LRCH3: variants seen among roughly 807,000 people sequenced by gnomAD.
LRCH3 encodes the protein DISP complex protein LRCH3.
Under a neutral mutation model 104.5 loss-of-function variants are expected in LRCH3, and 68 were observed. The ratio of observed to expected loss-of-function variants is 0.65; its 90% CI spans 0.54 to 0.80. LRCH3 has a LOEUF of 0.80. Among genes scored for constraint, LRCH3 ranks in the 30% least tolerant of loss-of-function variants. The pLI, the probability that LRCH3 is intolerant of heterozygous loss-of-function variation, is 0.00. For synonymous variants in LRCH3, 344 were observed against 361.3 expected, an observed-to-expected ratio of 0.95 and a Z score of 0.54; for missense variants, 951 against 953.9, an observed-to-expected ratio of 1.00 and a Z score of 0.04.
At chr3:197,841,621 C>T (rs187640232) in intron 10 of LRCH3, among the ~76,000 whole-genome samples, 11 of 152,194 alleles carry the variant, frequency 7.2e-5, no homozygotes, top group Admixed American at 2.0e-4. Flanking sequence ...GTCTGCCTAC[C>T]GCATCTTAGT....
At position 197,835,922 on chromosome 3, in the gene LRCH3, C is replaced by T. The variant is rs571210382; in HGVS notation, c.1251+100C>T. ...TATATCAGTGATTTGTTGACTGAAG[C>T]CTAATTGTTTTCATTATGTTCACTT... is the stretch of plus-strand genomic sequence containing the variant. On this transcript the variant is annotated intron_variant, in intron 9 of 20. Transcript: ENST00000425562. 3.4e-5 allele frequency: 44 copies of T among 1,277,802 alleles called. No individual in the cohort carries two copies. In the African/African-American group the frequency reaches 5.1e-4, roughly 15 times the overall value. 79.2% of individuals were successfully genotyped at this position (1,277,802 alleles called of 1,614,324 possible).
intron 5 of LRCH3, among the ~76,000 whole-genome samples, chr3:197,827,732 TTTAG>T (rs1735392639): frequency 6.6e-6 from 1 of 152,090 alleles, no homozygotes; most frequent in African/African-American, 2.4e-5. Context: ...CTTGTAAAAT[TTTAG>T]TTAATTTCTT....
At chr3:197,795,204 A>G (rs901571242) in intron 1 of LRCH3, among the ~76,000 whole-genome samples, 11 of 152,058 alleles carry the variant, frequency 7.2e-5, no homozygotes, top group African/African-American at 2.7e-4. Flanking sequence ...GCACGCAAAA[A>G]ATGTTAAGAG....
Position 197,883,779 on chromosome 3 carries a change from G to A in LRCH3, c.*113G>A, listed in dbSNP as rs142666410. The A allele has an allele frequency of 2.0e-3, 2,208 of 1,116,742 alleles. 6 individuals carry two copies. Among genetic ancestry groups the A allele is most frequent in the Non-Finnish European group, 2.4e-3 (2,058 of 844,030 alleles). The allele number at this position is 1,116,742 out of a possible 1,614,324, so 69.2% of individuals were successfully genotyped here. Reference sequence around the variant, plus strand: ...CTCTTGTGTGTTCTCAGAAGGGACCGTTCCCATGATTCCTAACAGGAATAT... The same window carrying A: ...CTCTTGTGTGTTCTCAGAAGGGACCATTCCCATGATTCCTAACAGGAATAT... On this transcript the variant is annotated 3_prime_UTR_variant, in exon 21 of 21. Coordinates refer to ENST00000425562, the MANE Select transcript of LRCH3 (RefSeq NM_001365715.1). This position sits in a 1 kb window ranked among gnomAD's most constrained non-coding sequence, Gnocchi z 4.2.
At chr3:197,881,396 C>T (rs77720391) in intron 20 of LRCH3, 16,997 of 986,352 alleles carry the variant, frequency 0.017, 150 homozygotes, top group Non-Finnish European at 0.019. Flanking sequence ...CCAGTCTATA[C>T]GCTGTATGTG....
intron 1 of LRCH3, among the ~76,000 whole-genome samples, chr3:197,793,535 G>A (rs555568747): frequency 6.6e-6 from 1 of 152,314 alleles, no homozygotes; most frequent in East Asian, 1.9e-4. Flanking sequence ...GTTGATTACA[G>A]GAGTCTGTCT....
At chr3:197,816,292 T>C (rs1291952272) in intron 2 of LRCH3, among the ~76,000 whole-genome samples, 1 of 152,164 alleles carries the variant, frequency 6.6e-6, no homozygotes, top group Non-Finnish European at 1.5e-5. Flanking sequence ...TTTTTCTTTT[T>C]CTTTTGAGAC....
chr3:197,838,570 A>G (rs1185117556), intron 9 of LRCH3, among the ~76,000 whole-genome samples: 1 of 152,168 alleles, frequency 6.6e-6, no homozygotes, highest in Non-Finnish European at 1.5e-5. Flanking sequence ...TTTGGTGTTG[A>G]AACAAGATTG....
chr3:197,852,517 G>A (rs775316504), intron 12 of LRCH3, 44 bp from the exon 13 acceptor site: 1 of 1,590,870 alleles, frequency 6.3e-7, no homozygotes, highest in Admixed American at 1.7e-5. Flanking sequence ...AGTGTTCCAG[G>A]CTCTAACCAA....
At chr3:197,864,060 C>G (rs1741177896) in intron 15 of LRCH3, among the ~76,000 whole-genome samples, 1 of 152,084 alleles carries the variant, frequency 6.6e-6, no homozygotes, top group South Asian at 2.1e-4. Flanking sequence ...AATCCCAGCA[C>G]TTTGGGAGGT....
chr3:197,829,435 A>G (rs1424549217), intron 5 of LRCH3, 129 bp from the exon 6 acceptor site: 2 of 498,240 alleles, frequency 4.0e-6, no homozygotes, highest in African/African-American at 1.9e-5. Flanking sequence ...TAGTTTTTAA[A>G]TATTACTGTA....
intron 1 of LRCH3, among the ~76,000 whole-genome samples, chr3:197,794,861 C>T (rs7636286): frequency 6.6e-6 from 1 of 151,998 alleles, no homozygotes; most frequent in South Asian, 2.1e-4. Flanking sequence ...AAAAATTAGC[C>T]AGGTGTAATG....
intron 10 of LRCH3, among the ~76,000 whole-genome samples, chr3:197,846,555 A>AC (rs1168636960): frequency 1.3e-5 from 2 of 151,496 alleles, no homozygotes; most frequent in African/African-American, 4.8e-5. Context: ...AAAAAAAAAA[A>AC]AACAAAAAAA....
At chr3:197,878,145 TAGAC>T (rs879512404) in intron 20 of LRCH3, among the ~76,000 whole-genome samples, 1 of 152,062 alleles carries the variant, frequency 6.6e-6, no homozygotes, top group Non-Finnish European at 1.5e-5. Flanking sequence ...AAATGCAAAA[TAGAC>T]AGGAGAGTGC....
rs1714330829 is a variant in LRCH3, at chr3:197,887,659, G to T, written c.*3993G>T. On this transcript the variant is annotated 3_prime_UTR_variant, in exon 21 of 21. Transcript: ENST00000425562. The stretch of plus-strand genomic sequence containing the variant: ...GGGGCTGAGAGCCCCCCCTAGCAGA[G>T]CCCTTCCCATCACTGACAGTGTTGG... 2 of 129,120 alleles carry T rather than the reference G, an allele frequency of 1.5e-5. No individual in the cohort carries two copies. Among genetic ancestry groups the T allele is most frequent in the Admixed American group, 1.6e-4 (2 of 12,158 alleles). The allele number at this position is 129,120 out of a possible 1,614,324, so 8.0% of individuals were successfully genotyped here. A position where few individuals can be genotyped will look rare whatever the true frequency, so the allele number is the denominator to read the frequency against.
In LRCH3 at chr3:197,884,469, G is replaced by A. The variant is rs144679019; in HGVS notation, c.*803G>A. On this transcript the variant is annotated 3_prime_UTR_variant, in exon 21 of 21. Transcript: ENST00000425562. Reference sequence around the variant, plus strand: ...ACTGTGCCCGGCCTCCCAGAGTGCTGGGATGACAGGCGTGAGCCCCCGCGC... The same window carrying A: ...ACTGTGCCCGGCCTCCCAGAGTGCTAGGATGACAGGCGTGAGCCCCCGCGC... 3,520 of 141,812 alleles carry A rather than the reference G, an allele frequency of 0.025. 1 individual carries two copies. Among genetic ancestry groups the A allele is most frequent in the South Asian group, 0.047 (196 of 4,196 alleles). The allele number at this position is 141,812 out of a possible 1,614,324, so 8.8% of individuals were successfully genotyped here. A position where few individuals can be genotyped will look rare whatever the true frequency, so the allele number is the denominator to read the frequency against.
At chr3:197,827,845 G>A (rs1049458486) in intron 5 of LRCH3, among the ~76,000 whole-genome samples, 71 of 152,106 alleles carry the variant, frequency 4.7e-4, no homozygotes, top group Middle Eastern at 3.4e-3. Context: ...TTGGGAGGCC[G>A]AGGTGGGCAG....
chr3:197,797,729 G>C (rs1263772759), intron 1 of LRCH3, among the ~76,000 whole-genome samples: 2 of 151,926 alleles, frequency 1.3e-5, no homozygotes, highest in Non-Finnish European at 2.9e-5. Context: ...GGTGCCATTG[G>C]CAGGCGCCTA....
chr3:197,811,641 A>G (rs1280531492), intron 1 of LRCH3, among the ~76,000 whole-genome samples: 2 of 152,182 alleles, frequency 1.3e-5, no homozygotes, highest in African/African-American at 4.8e-5. Context: ...TTGTGTTTGG[A>G]CTGGAATGAA....
Sources: allele counts gnomAD v4.1 joint callset (sites outside exome capture counted in the v4.1 genomes callset), GRCh38; gene constraint gnomAD v4.1.1; non-coding constraint Gnocchi (gnomAD v3.1); transcripts MANE v1.5; gene names NCBI Gene and HGNC (gene_info 2026-07-23, HGNC 2026-07-21).